Variants in CACNA2D3 observed in about 807,000 individuals in gnomAD.
CACNA2D3 encodes calcium voltage-gated channel auxiliary subunit alpha2delta 3, also known as voltage-dependent calcium channel subunit alpha-2/delta-3.
In CACNA2D3, 60 loss-of-function variants were observed where a neutral mutation model predicts 160.6. That is an observed-to-expected ratio of 0.37 (90% CI 0.30 to 0.46). The LOEUF is 0.46. CACNA2D3 is among the 20% of genes least tolerant of loss of function. CACNA2D3 has a pLI of 1.00. For synonymous variants in CACNA2D3, 558 were observed against 492.9 expected, an observed-to-expected ratio of 1.13 and a Z score of -1.75; for missense variants, 1,205 against 1,365.0, an observed-to-expected ratio of 0.88 and a Z score of 1.85.
intron 4 of CACNA2D3, among the ~76,000 whole-genome samples, chr3:54,407,668 T>C (rs1211960879): frequency 6.6e-6 from 1 of 152,122 alleles, no homozygotes; most frequent in Non-Finnish European, 1.5e-5. Context: ...GCCAGTGTTA[T>C]GACTTTGAGC....
At chr3:54,401,301 G>A (rs187300701) in intron 4 of CACNA2D3, among the ~76,000 whole-genome samples, 2 of 152,306 alleles carry the variant, frequency 1.3e-5, no homozygotes, top group East Asian at 3.9e-4. Context: ...AAGGATAAGG[G>A]ACAGAGGTAG....
At chr3:54,733,173 G>C (rs757509862) in intron 11 of CACNA2D3, among the ~76,000 whole-genome samples, 1 of 152,152 alleles carries the variant, frequency 6.6e-6, no homozygotes, top group Non-Finnish European at 1.5e-5. Context: ...TAACTATCTC[G>C]GGACTTTTGT....
At chr3:54,775,406 A>T (rs1388179810) in intron 13 of CACNA2D3, among the ~76,000 whole-genome samples, 1 of 152,188 alleles carries the variant, frequency 6.6e-6, no homozygotes, top group African/African-American at 2.4e-5. Flanking sequence ...TCTGGTAGGT[A>T]TTGGGAAATG....
At chr3:55,038,646 A>C (rs1453988011) in intron 35 of CACNA2D3, among the ~76,000 whole-genome samples, 3 of 152,020 alleles carry the variant, frequency 2.0e-5, no homozygotes, top group East Asian at 3.9e-4. Context: ...GAAGTCCTGC[A>C]GCGAAGAAAC....
Position 54,859,972 on chromosome 3 carries a change from G to GCGCGCGCA in CACNA2D3, c.1627-11566_1627-11565insGCGCGCAC, listed in dbSNP as rs535185040. ...TTAGAACATCATCTGGAAAGTAGAT[G>GCGCGCGCA]CACACACACACACACACACACACAC... is the stretch of plus-strand genomic sequence containing the variant. On this transcript the variant is annotated intron_variant, in intron 17 of 37. Transcript: ENST00000474759. Among the ~76,000 whole-genome samples, 1,207 of 133,864 alleles carry GCGCGCGCA rather than the reference G, an allele frequency of 9.0e-3. 29 individuals carry two copies. Among genetic ancestry groups the GCGCGCGCA allele is most frequent in the African/African-American group, 0.029 (1,054 of 35,928 alleles). The allele number at this position is 133,864 out of a possible 152,430, so 87.8% of individuals were successfully genotyped here.
intron 2 of CACNA2D3, among the ~76,000 whole-genome samples, chr3:54,194,375 T>TA (rs1226240152): frequency 1.3e-5 from 2 of 152,110 alleles, no homozygotes; most frequent in Admixed American, 6.5e-5. Context: ...TAAAAGTAGT[T>TA]AAAAAAAGTC....
intron 35 of CACNA2D3, among the ~76,000 whole-genome samples, chr3:55,058,027 A>T (rs1475494271): frequency 4.6e-5 from 7 of 152,164 alleles, no homozygotes; most frequent in Non-Finnish European, 1.0e-4. Context: ...AAAGTCTAAA[A>T]CATTGCCTTT....
intron 17 of CACNA2D3, among the ~76,000 whole-genome samples, chr3:54,848,405 A>G (rs1267323286): frequency 6.6e-6 from 1 of 152,216 alleles, no homozygotes; most frequent in Non-Finnish European, 1.5e-5. Context: ...GATTTTGGCC[A>G]TGCCATACAT....
chr3:54,994,132 T>C (rs1702804835), intron 31 of CACNA2D3, among the ~76,000 whole-genome samples: 1 of 152,044 alleles, frequency 6.6e-6, no homozygotes, highest in African/African-American at 2.4e-5. Flanking sequence ...TTAAATCACC[T>C]TTCTAAAAGG....
rs1345325978 is a variant in CACNA2D3 at position 54,763,845 on chromosome 3, G to A, written c.1247-373G>A. 4.1e-3 allele frequency among the ~76,000 whole-genome samples: 215 copies of A among 51,952 alleles called. 58 individuals carry two copies. Among genetic ancestry groups the A allele is most frequent in the Non-Finnish European group, 7.8e-3 (192 of 24,750 alleles). 34.1% of individuals were successfully genotyped at this position (51,952 alleles called of 152,430 possible). ...TATACGTATATATATGTATATATATGTACATATATATACATATATATATAC... is the reference window on the plus strand; with the variant it reads ...TATACGTATATATATGTATATATATATACATATATATACATATATATATAC... On this transcript the variant is annotated intron_variant, in intron 12 of 37. Coordinates refer to ENST00000474759, the MANE Select transcript of CACNA2D3 (RefSeq NM_018398.3).
chr3:54,461,569 T>C (rs988322594), intron 4 of CACNA2D3, among the ~76,000 whole-genome samples: 45 of 151,588 alleles, frequency 3.0e-4, no homozygotes, highest in African/African-American at 9.7e-4. Context: ...TGCATAGAGG[T>C]GTTTGTAGTA....
chr3:55,073,460 G>T lies in CACNA2D3; in HGVS notation c.3003G>T (p.Gln1001His). 6.2e-7 allele frequency: 1 copy of T among 1,613,836 alleles called. No homozygotes were observed. The highest frequency in any genetic ancestry group is 8.5e-7 in the Non-Finnish European group (1 of 1,179,774). Residue 1001 changes from glutamine to histidine, a missense_variant, in exon 36 of 38, where the codon CAG becomes CAT. This residue lies in a region of CACNA2D3 where 911 missense variants were observed against 1,002.2 expected (regional missense o/e 0.91). Transcript: ENST00000474759. ...CEDCSKSFVIQQIPSSNLFMV... is the reference protein window; with the variant it reads ...CEDCSKSFVIHQIPSSNLFMV... ...GTTCCAACAGGTCCTTTGTCATCCA[G>T]CAAATCCCAAGCAGCAACCTGTTCA...
At chr3:54,945,590 A>G (rs1244721194) in intron 27 of CACNA2D3, among the ~76,000 whole-genome samples, 1 of 152,184 alleles carries the variant, frequency 6.6e-6, no homozygotes, top group Non-Finnish European at 1.5e-5. Flanking sequence ...GGGGCAAGTT[A>G]TGTAAGTTCT....
intron 35 of CACNA2D3, among the ~76,000 whole-genome samples, chr3:55,049,167 C>CT (rs1704130532): frequency 1.3e-5 from 2 of 151,464 alleles, no homozygotes; most frequent in South Asian, 2.1e-4. Flanking sequence ...TTTGCTCTTG[C>CT]TTGTCTAGTT....
intron 2 of CACNA2D3, among the ~76,000 whole-genome samples, chr3:54,193,157 G>A (rs1263332966): frequency 6.6e-6 from 1 of 152,180 alleles, no homozygotes; most frequent in East Asian, 1.9e-4. Context: ...CTCTCATGGT[G>A]AAGTGATACT....
intron 35 of CACNA2D3, among the ~76,000 whole-genome samples, chr3:55,057,957 T>A (rs992359359): frequency 6.6e-6 from 1 of 152,170 alleles, no homozygotes; most frequent in South Asian, 2.1e-4. Flanking sequence ...TATAAAGTAA[T>A]TCTCAATGAT....
chr3:54,432,759 C>G (rs976577251), intron 4 of CACNA2D3, among the ~76,000 whole-genome samples: 1 of 152,070 alleles, frequency 6.6e-6, no homozygotes, highest in Admixed American at 6.5e-5. Flanking sequence ...AGAAAGCCTA[C>G]TGGATTCAGT....
In CACNA2D3 at chr3:55,005,313, A is replaced by G. The variant is rs1484516298; in HGVS notation, c.2766+475A>G. On this transcript the variant is annotated intron_variant, in intron 32 of 37. Transcript: ENST00000474759. ...TTAAATTAAATTAAATTAAAATTAAAAAAAGCCACTGCTATATCAACTGAA... is the reference window on the plus strand; with the variant it reads ...TTAAATTAAATTAAATTAAAATTAAGAAAAGCCACTGCTATATCAACTGAA... Among the ~76,000 whole-genome samples, 5 of 152,264 alleles carry G rather than the reference A, an allele frequency of 3.3e-5. No individual in the cohort carries two copies. The East Asian group carries it at 7.7e-4, about 24-fold the overall frequency.
intron 35 of CACNA2D3, 25 bp downstream of exon 35, chr3:55,018,342 C>A (rs78296127): frequency 5.0e-6 from 7 of 1,386,454 alleles, no homozygotes; most frequent in Non-Finnish European, 7.2e-6. Context: ...CACCCTCTAA[C>A]CCCCTACACC....
Sources: gnomAD v4.1 joint callset for allele counts (sites outside exome capture counted in the v4.1 genomes callset) on GRCh38, gnomAD v4.1.1 for gene constraint, gnomAD v4.1.1 regional missense constraint, MANE v1.5 for transcripts, NCBI Gene and HGNC (gene_info 2026-07-23, HGNC 2026-07-21) for gene names.